MACROD2: variants seen among roughly 807,000 people sequenced by gnomAD.
The protein encoded by MACROD2 is mono-ADP ribosylhydrolase 2.
In MACROD2, 36 loss-of-function variants were observed where a neutral mutation model predicts 70.4. The ratio of observed to expected loss-of-function variants is 0.51; its 90% CI spans 0.39 to 0.68. The LOEUF (loss-of-function observed/expected upper bound fraction) is 0.68. Ranked by LOEUF, MACROD2 falls within the 30% of genes least tolerant of loss-of-function variation. The probability of loss-of-function intolerance (pLI) is 0.00; values close to 1 mark genes in which losing one functional copy is unlikely to be tolerated. For synonymous variants in MACROD2, 172 were observed against 178.8 expected (o/e 0.96, Z 0.30); for missense variants, 496 against 538.4 (o/e 0.92, Z 0.78).
chr20:14,766,482 G>A (rs1399041866), intron 5 of MACROD2, among the ~76,000 whole-genome samples: 1 of 152,062 alleles, frequency 6.6e-6, no homozygotes, highest in East Asian at 1.9e-4. Flanking sequence ...AATTCACAAA[G>A]CAATTAGAGA....
At chr20:15,360,346 AT>A (rs1298874887) in intron 6 of MACROD2, among the ~76,000 whole-genome samples, 1 of 152,044 alleles carries the variant, frequency 6.6e-6, no homozygotes, top group Admixed American at 6.5e-5. Flanking sequence ...GAAGATGTAA[AT>A]TTTCATTTAT....
chr20:15,644,521 G>A (rs2049511406), intron 8 of MACROD2, among the ~76,000 whole-genome samples: 1 of 152,058 alleles, frequency 6.6e-6, no homozygotes, highest in Non-Finnish European at 1.5e-5. Context: ...CAGTACTAAT[G>A]ACAATAATAC....
intron 3 of MACROD2, among the ~76,000 whole-genome samples, chr20:14,438,221 TC>T (rs2084080910): frequency 6.6e-6 from 1 of 152,238 alleles, no homozygotes; most frequent in Non-Finnish European, 1.5e-5. Flanking sequence ...TCCAGGTCTA[TC>T]CATGCTGTAG....
At chr20:15,954,987 A>G (rs529369951) in intron 12 of MACROD2, among the ~76,000 whole-genome samples, 5 of 152,336 alleles carry the variant, frequency 3.3e-5, no homozygotes, top group Admixed American at 2.6e-4. Context: ...GGCAGCAAAG[A>G]AAGTCAGACA....
chr20:15,975,515 T>C (rs2066293581), intron 13 of MACROD2, among the ~76,000 whole-genome samples: 1 of 152,190 alleles, frequency 6.6e-6, no homozygotes, highest in South Asian at 2.1e-4. Context: ...TGGAATATTA[T>C]GTATCTTTTA....
intron 6 of MACROD2, among the ~76,000 whole-genome samples, chr20:15,414,708 G>A (rs13039585): frequency 0.15 from 23,563 of 152,092 alleles, 2,092 homozygotes; most frequent in South Asian, 0.32. Context: ...ATCCGTATAC[G>A]TGAAAATAAT....
At chr20:14,711,314 T>A (rs1175795971) in intron 5 of MACROD2, among the ~76,000 whole-genome samples, 1 of 152,190 alleles carries the variant, frequency 6.6e-6, no homozygotes, top group African/African-American at 2.4e-5. Context: ...GAGGAATAAA[T>A]CATGTATCCA....
intron 7 of MACROD2, among the ~76,000 whole-genome samples, chr20:15,491,850 T>C (rs1263824742): frequency 6.6e-6 from 1 of 152,216 alleles, no homozygotes; most frequent in Non-Finnish European, 1.5e-5. Context: ...ACACAGCATA[T>C]GCCAAGAAGA....
At chr20:14,801,336 G>A (rs2072573104) in intron 5 of MACROD2, among the ~76,000 whole-genome samples, 2 of 152,074 alleles carry the variant, frequency 1.3e-5, no homozygotes, top group Admixed American at 1.3e-4. Context: ...TAAGTCCGTG[G>A]ACCATAATCA....
chr20:15,579,416 C>A (rs981345832), intron 8 of MACROD2, among the ~76,000 whole-genome samples: 27 of 152,118 alleles, frequency 1.8e-4, no homozygotes, highest in Admixed American at 6.6e-4. Flanking sequence ...AGAAAATAGA[C>A]CCGAGAAATA....
intron 4 of MACROD2, chr20:14,493,961 A>G (rs888927842): frequency 1.3e-5 from 2 of 150,222 alleles, no homozygotes; most frequent in South Asian, 2.1e-4. Context: ...TCAGCCACTT[A>G]CTTTGAAAAA....
At chr20:15,167,820 T>G (rs965417424) in intron 5 of MACROD2, among the ~76,000 whole-genome samples, 16 of 152,146 alleles carry the variant, frequency 1.1e-4, no homozygotes, top group African/African-American at 3.4e-4. Flanking sequence ...TTGAAGTAAA[T>G]GAGTCTACCA....
chr20:14,643,900 G>A (rs1224340307), intron 4 of MACROD2, among the ~76,000 whole-genome samples: 3 of 151,990 alleles, frequency 2.0e-5, no homozygotes, highest in Non-Finnish European at 4.4e-5. Flanking sequence ...GTGTGTGGAT[G>A]GATAGAATTT....
chr20:14,591,823 C>CA (rs1439387748), intron 4 of MACROD2, among the ~76,000 whole-genome samples: 1 of 152,078 alleles, frequency 6.6e-6, no homozygotes, highest in Non-Finnish European at 1.5e-5. Context: ...AACCATATAC[C>CA]AAGCAGTGTT....
chr20:14,568,888 C>T (rs1279097885), intron 4 of MACROD2, among the ~76,000 whole-genome samples: 4 of 151,954 alleles, frequency 2.6e-5, no homozygotes, highest in African/African-American at 4.8e-5. Context: ...ATTCCTCACT[C>T]TCAGATTAAC....
intron 6 of MACROD2, among the ~76,000 whole-genome samples, chr20:15,378,970 T>C (rs1157687019): frequency 3.3e-5 from 5 of 152,156 alleles, no homozygotes; most frequent in Non-Finnish European, 7.3e-5. Flanking sequence ...TCTAAATTGG[T>C]CTTCATAAAT....
At chr20:14,754,728 A>C (rs570009253) in intron 5 of MACROD2, among the ~76,000 whole-genome samples, 1 of 152,076 alleles carries the variant, frequency 6.6e-6, no homozygotes, top group South Asian at 2.1e-4. Flanking sequence ...GCATATTTGA[A>C]ATCAGATAAT....
chr20:14,101,010 A>G (rs992458939), intron 3 of MACROD2, among the ~76,000 whole-genome samples: 7 of 150,660 alleles, frequency 4.6e-5, no homozygotes, highest in African/African-American at 1.7e-4. Context: ...TCCCCCTGAT[A>G]TTTGTCAGTA....
chr20:15,588,149 G>A (rs761373187), intron 8 of MACROD2, among the ~76,000 whole-genome samples: 12 of 152,234 alleles, frequency 7.9e-5, no homozygotes, highest in East Asian at 1.9e-4. Context: ...CTGTGCACCC[G>A]CAGGCTTAAT....
Sources: allele counts gnomAD v4.1 joint callset (sites outside exome capture counted in the v4.1 genomes callset), GRCh38; gene constraint gnomAD v4.1.1; transcripts MANE v1.5; gene names NCBI Gene and HGNC (gene_info 2026-07-23, HGNC 2026-07-21).